The following RAPGEF4 variants were observed in gnomAD, a reference collection of about 807,000 sequenced individuals.
RAPGEF4 encodes the protein Rap guanine nucleotide exchange factor 4, also known as RAP guanine-nucleotide-exchange factor (GEF) 4.
A neutral mutation model predicts 147.9 loss-of-function variants in RAPGEF4; 66 were observed. The observed-to-expected ratio is 0.45, with a 90% CI of 0.37 to 0.55. The LOEUF (loss-of-function observed/expected upper bound fraction) is 0.55, where lower values mean the gene tolerates loss of function less well. Ranked by LOEUF, RAPGEF4 falls within the 20% of genes least tolerant of loss-of-function variation. RAPGEF4 has a pLI of 0.00. For missense variants in RAPGEF4, 1,071 were observed against 1,257.3 expected (o/e 0.85, Z 2.24); for synonymous variants, 419 against 442.7 (o/e 0.95, Z 0.67).
chr2:172,947,805 A>G (rs998524220), intron 6 of RAPGEF4, among the ~76,000 whole-genome samples: 1 of 152,072 alleles, frequency 6.6e-6, no homozygotes, highest in East Asian at 1.9e-4. Flanking sequence ...CTGAGTTTTC[A>G]TTAAAGAATA....
intron 6 of RAPGEF4, among the ~76,000 whole-genome samples, chr2:172,932,645 A>C (rs1173424065): frequency 6.6e-6 from 1 of 152,248 alleles, no homozygotes; most frequent in African/African-American, 2.4e-5. Flanking sequence ...AGATTCAGCT[A>C]TAATAACAAA....
chr2:172,801,289 A>G (rs1485829785), intron 3 of RAPGEF4, among the ~76,000 whole-genome samples: 1 of 152,202 alleles, frequency 6.6e-6, no homozygotes, highest in Non-Finnish European at 1.5e-5. Flanking sequence ...ACAGTCTAAA[A>G]GAAAACTGAG....
intron 9 of RAPGEF4, among the ~76,000 whole-genome samples, chr2:172,966,222 T>G (rs575525009): frequency 6.6e-6 from 1 of 152,350 alleles, no homozygotes; most frequent in East Asian, 1.9e-4. Context: ...AGAGTAGCTC[T>G]TCAGGACTGG....
At chr2:173,049,507 G>C (rs1432814890) in intron 30 of RAPGEF4, among the ~76,000 whole-genome samples, 1 of 152,220 alleles carries the variant, frequency 6.6e-6, no homozygotes, top group African/African-American at 2.4e-5. Flanking sequence ...GAGGCTACCA[G>C]TACCGTCTCC....
intron 1 of RAPGEF4, among the ~76,000 whole-genome samples, chr2:172,737,821 T>C (rs1044565224): frequency 4.0e-5 from 6 of 150,318 alleles, no homozygotes; most frequent in African/African-American, 1.2e-4. Context: ...GTTCTGATAT[T>C]GGACATGTCA....
chr2:172,836,263 C>T (rs2149686703), intron 4 of RAPGEF4, among the ~76,000 whole-genome samples: 1 of 152,160 alleles, frequency 6.6e-6, no homozygotes, highest in East Asian at 1.9e-4. Context: ...ACATGCAAAA[C>T]ACACCCTCTT....
chr2:172,770,595 G>A (rs939588641), intron 1 of RAPGEF4, among the ~76,000 whole-genome samples: 6 of 152,280 alleles, frequency 3.9e-5, no homozygotes, highest in Middle Eastern at 3.4e-3. Context: ...TTATTCGAAT[G>A]TACATACCTT....
intron 4 of RAPGEF4, among the ~76,000 whole-genome samples, chr2:172,842,841 C>T (rs575454148): frequency 1.4e-4 from 22 of 152,308 alleles, no homozygotes; most frequent in African/African-American, 5.1e-4. Context: ...GTAGGATGAG[C>T]ATGTGGGAGG....
chr2:172,833,335 G>C lies in RAPGEF4; in HGVS notation c.444+18910G>C, dbSNP rs945134412. On this transcript the variant is annotated intron_variant, in intron 4 of 30. Transcript: ENST00000397081. ...CTATTTACATAGTATCTGTTTGGGG[G>C]AAACTAAGGGGAAGAACGCATTTTA... Among the ~76,000 whole-genome samples, 7 of 150,778 alleles carry C rather than the reference G, an allele frequency of 4.6e-5. No individual in the cohort carries two copies. The East Asian group carries it at 1.4e-3, about 29-fold the overall frequency.
intron 1 of RAPGEF4, among the ~76,000 whole-genome samples, chr2:172,736,877 G>A (rs1026827663): frequency 2.0e-5 from 3 of 152,224 alleles, no homozygotes; most frequent in African/African-American, 7.2e-5. Context: ...AAGAAATCTT[G>A]CAGAGTGAAC....
At chr2:172,913,557 T>C (rs1266665683) in intron 4 of RAPGEF4, among the ~76,000 whole-genome samples, 1 of 152,214 alleles carries the variant, frequency 6.6e-6, no homozygotes, top group East Asian at 1.9e-4. Flanking sequence ...ATGTGTTGGC[T>C]CCTGGGTTGG....
intron 4 of RAPGEF4, among the ~76,000 whole-genome samples, chr2:172,837,597 T>C (rs921416292): frequency 6.6e-6 from 1 of 152,232 alleles, no homozygotes; most frequent in Non-Finnish European, 1.5e-5. Flanking sequence ...ATTCTTTTTC[T>C]ATTATCTCAC....
intron 5 of RAPGEF4, among the ~76,000 whole-genome samples, chr2:172,921,838 T>C (rs1477783659): frequency 6.6e-6 from 1 of 152,244 alleles, no homozygotes; most frequent in Admixed American, 6.5e-5. Flanking sequence ...ATGTCTTTCA[T>C]GTGCTACTTG....
Position 173,036,076 on chromosome 2 carries a change from T to C in RAPGEF4, c.2701-49T>C, listed in dbSNP as rs754268758. The C allele has an allele frequency of 1.4e-5, 19 of 1,346,940 alleles. No individual in the cohort carries two copies. In the South Asian group the frequency reaches 2.1e-4, roughly 15 times the overall value. 83.4% of individuals were successfully genotyped at this position (1,346,940 alleles called of 1,614,324 possible). A position where few individuals can be genotyped will look rare whatever the true frequency, so the allele number is the denominator to read the frequency against. On this transcript the variant is annotated intron_variant, in intron 27 of 30. Transcript: ENST00000397081. ...AGGTGTATTAGGAGGTAACAAAGGG[T>C]GGTGTATCTGTCACCAGTCATTACC...
Position 172,814,316 on chromosome 2 carries a change from C to G in RAPGEF4, c.335C>G (p.Ala112Gly). ...ATCTGTACCCTGGGAATTGGGACGG[C>G]CTTTGGAGAGTCCATTCTGGACAAC... ...VTICTLGIGT[A>G]FGESILDNTP... The change falls in exon 4 of 31, where the codon GCC (alanine) becomes GGC (glycine). Residue 112 changes from alanine (A) to glycine (G), a missense_variant. Transcript: ENST00000397081. 6.2e-7 allele frequency: 1 copy of G among 1,614,164 alleles called. No individual in the cohort carries two copies. Among genetic ancestry groups the G allele is most frequent in the Non-Finnish European group, 8.5e-7 (1 of 1,180,012 alleles).
At chr2:172,996,398 T>A in intron 15 of RAPGEF4, 68 bp from the exon 16 acceptor site, 3 of 873,538 alleles carry the variant, frequency 3.4e-6, no homozygotes, top group African/African-American at 1.8e-5. Flanking sequence ...AAAACTTAGA[T>A]AAGTAAAAGT....
chr2:172,878,645 A>G (rs1696239723), intron 4 of RAPGEF4, among the ~76,000 whole-genome samples: 1 of 152,206 alleles, frequency 6.6e-6, no homozygotes. Context: ...ATTTAGAAAC[A>G]ACACCTGGAT....
rs1404242351 is a variant in RAPGEF4 at position 172,739,481 on chromosome 2, C to T, written c.65+3433C>T. The stretch of plus-strand genomic sequence containing the variant: ...CCCCCTCCTGGTTTCAAGTAATTCT[C>T]GTGTCTCAGCCTCCCGAGTAGCTGG... On this transcript the variant is annotated intron_variant, in intron 1 of 30. Coordinates refer to ENST00000397081, the MANE Select transcript of RAPGEF4 (RefSeq NM_007023.4). 2.6e-5 allele frequency among the ~76,000 whole-genome samples: 4 copies of T among 152,054 alleles called. No homozygotes were observed. The East Asian group carries it at 5.8e-4, about 22-fold the overall frequency.
intron 4 of RAPGEF4, among the ~76,000 whole-genome samples, chr2:172,878,055 A>C (rs1696169991): frequency 6.6e-6 from 1 of 152,218 alleles, no homozygotes; most frequent in Non-Finnish European, 1.5e-5. Flanking sequence ...TGAATTTGTT[A>C]GAACAAATTA....
Sources: gnomAD v4.1 joint callset for allele counts (sites outside exome capture counted in the v4.1 genomes callset) on GRCh38, gnomAD v4.1.1 for gene constraint, MANE v1.5 for transcripts, NCBI Gene and HGNC (gene_info 2026-07-23, HGNC 2026-07-21) for gene names.